TRIO: variants seen among roughly 807,000 people sequenced by gnomAD.
The protein encoded by TRIO is triple functional domain protein.
Under a neutral mutation model 351.9 loss-of-function variants are expected in TRIO, and 58 were observed. The ratio of observed to expected loss-of-function variants is 0.16; its 90% confidence interval spans 0.13 to 0.21. The LOEUF is 0.21. TRIO is among the 10% of genes least tolerant of loss of function. The pLI, the probability that TRIO is intolerant of heterozygous loss-of-function variation, is 1.00. For synonymous variants in TRIO, 1,758 were observed against 1,595.7 expected, an observed-to-expected ratio of 1.10 and a Z score of -2.42; for missense variants, 3,201 against 4,027.8, an observed-to-expected ratio of 0.79 and a Z score of 5.56.
At chr5:14,380,763 C>T (rs999789417) in intron 20 of TRIO, among the ~76,000 whole-genome samples, 1 of 152,136 alleles carries the variant, frequency 6.6e-6, no homozygotes, top group African/African-American at 2.4e-5. Context: ...TAAACTCATG[C>T]ACACGTATGT....
intron 1 of TRIO, among the ~76,000 whole-genome samples, chr5:14,264,176 T>C (rs1358545977): frequency 6.6e-6 from 1 of 152,152 alleles, no homozygotes; most frequent in East Asian, 1.9e-4. Flanking sequence ...TATATTTGTT[T>C]AAACTTTTTT....
rs1356688450 is a variant in TRIO, at chr5:14,164,736, CATT to C, written c.157+20857_157+20859del. Among the ~76,000 whole-genome samples the C allele has an allele frequency of 7.2e-5, 11 of 152,204 alleles. 1 individual carries two copies. Among genetic ancestry groups the C allele is most frequent in the Admixed American group, 2.6e-4 (4 of 15,278 alleles). On this transcript the variant is annotated intron_variant, in intron 1 of 56. Coordinates refer to ENST00000344204, the MANE Select transcript of TRIO (RefSeq NM_007118.4). ...CTCCTGTCACCTGACCCCCTGATGT[CATT>C]ATGATTGTCTTTTCCTTGCAGTATT...
intron 34 of TRIO, among the ~76,000 whole-genome samples, chr5:14,435,754 G>T (rs143083663): frequency 1.3e-5 from 2 of 152,130 alleles, no homozygotes; most frequent in Non-Finnish European, 2.9e-5. Flanking sequence ...GATTGTTCCA[G>T]CTGTGGCTAT....
At chr5:14,479,214 G>C in intron 41 of TRIO, 47 bp from the exon 42 acceptor site, 1 of 1,516,872 alleles carries the variant, frequency 6.6e-7, no homozygotes. Flanking sequence ...TATTCTAATC[G>C]AATTTCCCAT....
intron 1 of TRIO, among the ~76,000 whole-genome samples, chr5:14,194,306 GCT>G (rs1371403736): frequency 6.6e-6 from 1 of 152,056 alleles, no homozygotes; most frequent in Non-Finnish European, 1.5e-5. Context: ...TTGTATTTCT[GCT>G]CTCTTTTTCT....
Position 14,462,705 on chromosome 5 carries a change from G to A in TRIO, c.5497-50G>A, listed in dbSNP as rs117081675. ...CTTCTCCAAGTAACCCTTGGTCCAC[G>A]TCTGTGAACTGGCCTGGAATATAAT... On this transcript the variant is annotated intron_variant, in intron 35 of 56. Coordinates refer to ENST00000344204, the MANE Select transcript of TRIO (RefSeq NM_007118.4). 9.8e-4 allele frequency: 1,574 copies of A among 1,606,738 alleles called. 33 individuals carry two copies. The East Asian group carries it at 0.034, about 35-fold the overall frequency.
intron 1 of TRIO, among the ~76,000 whole-genome samples, chr5:14,201,685 G>C (rs1346343318): frequency 6.6e-6 from 1 of 152,074 alleles, no homozygotes; most frequent in Non-Finnish European, 1.5e-5. Flanking sequence ...AAATATTAAT[G>C]AATTTGTTCT....
Position 14,487,550 on chromosome 5 carries a change from A to AGCGGCG in TRIO, c.6930_6935dup (p.Gly2311_Gly2312dup). 1 of 1,057,232 alleles carries AGCGGCG rather than the reference A, an allele frequency of 9.5e-7. No individual in the cohort carries two copies. Among genetic ancestry groups the AGCGGCG allele is most frequent in the Non-Finnish European group, 1.2e-6 (1 of 864,194 alleles). 65.5% of individuals were successfully genotyped at this position (1,057,232 alleles called of 1,614,324 possible). ...CGGGGGCAGCGGCGGGGGTGGGGGC[A>AGCGGCG]GCGGCGGCGGCGGGGCCCCCAGTGG... On this transcript the variant is annotated inframe_insertion, in exon 48 of 57. Transcript: ENST00000344204.
chr5:14,202,715 G>A (rs866989123), intron 1 of TRIO, among the ~76,000 whole-genome samples: 2 of 147,536 alleles, frequency 1.4e-5, no homozygotes, highest in East Asian at 2.0e-4. Context: ...CTCGTCTGCC[G>A]CCAAGACGTC....
intron 1 of TRIO, among the ~76,000 whole-genome samples, chr5:14,162,862 AGT>A (rs1435979829): frequency 2.0e-5 from 3 of 152,080 alleles, no homozygotes; most frequent in Non-Finnish European, 1.5e-5. Context: ...GCTGGCATGC[AGT>A]GGCACGATCT....
intron 11 of TRIO, 59 bp from the exon 12 acceptor site, chr5:14,358,119 C>T (rs572400647): frequency 1.1e-4 from 177 of 1,550,028 alleles, no homozygotes; most frequent in Middle Eastern, 6.4e-4. Flanking sequence ...GGACACCGGG[C>T]GGCCCACCTG....
chr5:14,253,703 A>T (rs1794872754), intron 1 of TRIO, among the ~76,000 whole-genome samples: 1 of 152,170 alleles, frequency 6.6e-6, no homozygotes, highest in African/African-American at 2.4e-5. Context: ...GCAATTCTCA[A>T]AGTGTGGTCC....
At chr5:14,324,297 A>G (rs572733507) in intron 9 of TRIO, among the ~76,000 whole-genome samples, 2 of 152,288 alleles carry the variant, frequency 1.3e-5, no homozygotes, top group African/African-American at 2.4e-5. Context: ...CTTTAAATGG[A>G]TTATAGAATC....
chr5:14,458,189 A>T (rs887738985), intron 34 of TRIO, among the ~76,000 whole-genome samples: 1 of 152,120 alleles, frequency 6.6e-6, no homozygotes, highest in Non-Finnish European at 1.5e-5. Context: ...TTGTGAATCT[A>T]TGTCAAACAA....
chr5:14,329,092 T>TC (rs1740669587), intron 9 of TRIO, among the ~76,000 whole-genome samples: 1 of 152,186 alleles, frequency 6.6e-6, no homozygotes, highest in Admixed American at 6.5e-5. Flanking sequence ...GCTGCTTTTT[T>TC]CCCCCTATAT....
At chr5:14,449,367 A>G (rs1428270763) in intron 34 of TRIO, among the ~76,000 whole-genome samples, 2 of 152,204 alleles carry the variant, frequency 1.3e-5, no homozygotes, top group African/African-American at 4.8e-5. Flanking sequence ...TAGCACTGGC[A>G]TGTTCTGTTT....
Position 14,406,009 on chromosome 5 carries a change from C to A in TRIO, c.4859+19C>A, listed in dbSNP as rs781000521. ...GAAGGAGGTGCGTGTCTGGGCGCCA[C>A]TGGAGGTTTGTGGATGTGGGAGGGA... On this transcript the variant is annotated intron_variant, in intron 32 of 56. Coordinates refer to ENST00000344204, the MANE Select transcript of TRIO (RefSeq NM_007118.4). The A allele has an allele frequency of 2.5e-6, 4 of 1,609,102 alleles. No homozygotes were observed. Among genetic ancestry groups the A allele is most frequent in the Non-Finnish European group, 3.4e-6 (4 of 1,176,750 alleles).
intron 8 of TRIO, among the ~76,000 whole-genome samples, chr5:14,308,573 T>C (rs907396617): frequency 4.0e-5 from 6 of 150,188 alleles, no homozygotes; most frequent in African/African-American, 1.5e-4. Flanking sequence ...CATTCATCTG[T>C]CCATTTATCC....
At chr5:14,201,747 C>T (rs1454621693) in intron 1 of TRIO, among the ~76,000 whole-genome samples, 1 of 152,080 alleles carries the variant, frequency 6.6e-6, no homozygotes, top group Admixed American at 6.5e-5. Context: ...ACTAAGTTGT[C>T]TGTGAGTCAC....
Sources: gnomAD v4.1 joint callset for allele counts (sites outside exome capture counted in the v4.1 genomes callset) on GRCh38, gnomAD v4.1.1 for gene constraint, MANE v1.5 for transcripts, NCBI Gene and HGNC (gene_info 2026-07-23, HGNC 2026-07-21) for gene names.